Variants in DDX19B observed in about 807,000 individuals in gnomAD.
The protein encoded by DDX19B is DEAD-box helicase 19B.
DDX19B carries 27 observed loss-of-function variants against 58.1 expected under a neutral mutation model. The ratio of observed to expected loss-of-function variants is 0.46; its 90% CI spans 0.34 to 0.64. The LOEUF is 0.64. DDX19B is among the 30% of genes least tolerant of loss of function. The probability of loss-of-function intolerance (pLI) is 0.01; values close to 1 mark genes in which losing one functional copy is unlikely to be tolerated. For synonymous variants in DDX19B, 187 were observed against 214.4 expected (o/e 0.87, Z 1.12); for missense variants, 399 against 596.5 (o/e 0.67, Z 3.45).
chr16:70,311,273 G>C (rs1218842970), intron 1 of DDX19B, among the ~76,000 whole-genome samples: 4 of 150,934 alleles, frequency 2.7e-5, no homozygotes, highest in African/African-American at 9.7e-5. Context: ...TCAGCTGCTC[G>C]GGAGGCTGAG....
chr16:70,329,604 C>T (rs1963371040), intron 8 of DDX19B, 135 bp downstream of exon 8: 2 of 1,401,092 alleles, frequency 1.4e-6, no homozygotes, highest in South Asian at 1.3e-5. Context: ...TGACGGGCCA[C>T]TTCCGTGTCA....
chr16:70,333,638 G>A lies in DDX19B; in HGVS notation c.*56G>A. 2 of 1,613,702 alleles carry A rather than the reference G, an allele frequency of 1.2e-6. No individual in the cohort carries two copies. The highest frequency in any genetic ancestry group is 1.7e-6 in the Non-Finnish European group (2 of 1,179,562). On this transcript the variant is annotated 3_prime_UTR_variant, in exon 12 of 12. Coordinates refer to ENST00000288071, the MANE Select transcript of DDX19B (RefSeq NM_007242.7). ...GGCACTGCCCCTGCACAGGAGACAAGTGCGTTCAGGGCACAGGCCCCGACA... is the reference window on the plus strand; with the variant it reads ...GGCACTGCCCCTGCACAGGAGACAAATGCGTTCAGGGCACAGGCCCCGACA...
intron 9 of DDX19B, 71 bp downstream of exon 9, chr16:70,330,139 T>C: frequency 1.3e-6 from 2 of 1,561,840 alleles, no homozygotes; most frequent in South Asian, 2.3e-5. Context: ...TCAGGAGGAC[T>C]GGATGCCCCT....
intron 4 of DDX19B, among the ~76,000 whole-genome samples, chr16:70,316,952 A>G (rs1962455143): frequency 6.6e-6 from 1 of 152,082 alleles, no homozygotes; most frequent in South Asian, 2.1e-4. Context: ...CACGCCTGTA[A>G]TCCCAGGACT....
upstream of DDX19B, among the ~76,000 whole-genome samples, chr16:70,293,295 G>A (rs1421906417): frequency 6.6e-6 from 1 of 151,114 alleles, no homozygotes; most frequent in Non-Finnish European, 1.5e-5. Context: ...GCATGCATCT[G>A]TAGTCCCAGC....
At chr16:70,303,077 G>T (rs1174054291) in intron 1 of DDX19B, among the ~76,000 whole-genome samples, 1 of 152,088 alleles carries the variant, frequency 6.6e-6, no homozygotes, top group Non-Finnish European at 1.5e-5. Context: ...AAGTAGGATT[G>T]TTTTTGTTTT....
chr16:70,318,200 C>T (rs1402494736), intron 5 of DDX19B, among the ~76,000 whole-genome samples: 3 of 151,462 alleles, frequency 2.0e-5, no homozygotes, highest in Non-Finnish European at 4.4e-5. Flanking sequence ...TGATGAAACC[C>T]GACTCTACTA....
chr16:70,326,196 G>A (rs929571334), intron 7 of DDX19B, among the ~76,000 whole-genome samples: 3 of 152,130 alleles, frequency 2.0e-5, no homozygotes, highest in Non-Finnish European at 2.9e-5. Context: ...CATTCTGGCC[G>A]GGCGCGGTGG....
intron 4 of DDX19B, 49 bp from the exon 5 acceptor site, chr16:70,317,447 T>A: frequency 3.4e-6 from 5 of 1,461,060 alleles, no homozygotes; most frequent in Non-Finnish European, 4.7e-6. Context: ...ATTTTGCTGC[T>A]TTCCTCAACC....
At chr16:70,290,223 C>T (rs1465107408), upstream of DDX19B, among the ~76,000 whole-genome samples, 1 of 152,028 alleles carries the variant, frequency 6.6e-6, no homozygotes, top group African/African-American at 2.4e-5. Flanking sequence ...GTCAACATAA[C>T]TAGACCCTGT....
Position 70,307,675 on chromosome 16 carries a change from A to ATATGTG in DDX19B, c.58-4933_58-4932insATGTGT, listed in dbSNP as rs111558307. ...ATCACATCTGGCCATATGTATATAT[A>ATATGTG]TGTGTGTGTGTGTGTGTGTATGTAT... On this transcript the variant is annotated intron_variant, in intron 1 of 11. Transcript: ENST00000288071. Among the ~76,000 whole-genome samples the ATATGTG allele has an allele frequency of 6.2e-3, 926 of 149,430 alleles. 12 individuals carry two copies. The highest frequency in any genetic ancestry group is 0.022 in the African/African-American group (889 of 40,756).
intron 7 of DDX19B, among the ~76,000 whole-genome samples, chr16:70,326,982 C>T (rs1370867251): frequency 1.3e-5 from 2 of 151,714 alleles, no homozygotes; most frequent in African/African-American, 2.4e-5. Context: ...CTACAGGCGC[C>T]CACCACTACG....
At position 70,330,113 on chromosome 16, in the gene DDX19B, C is replaced by T. The variant is rs200333329; in HGVS notation, c.1023+45C>T. 2,683 of 1,606,812 alleles carry T rather than the reference C, an allele frequency of 1.7e-3. 4 individuals carry two copies. Among genetic ancestry groups the T allele is most frequent in the Non-Finnish European group, 2.0e-3 (2,381 of 1,174,732 alleles). On this transcript the variant is annotated intron_variant, in intron 9 of 11. Transcript: ENST00000288071. ...GCAGGCCTGGCCCTTCCCTCTCAGC[C>T]AGCTCCCCACAGGGCTCAGGAGGAC...
chr16:70,329,595 G>A, intron 8 of DDX19B, 126 bp downstream of exon 8: 3 of 1,433,028 alleles, frequency 2.1e-6, no homozygotes, highest in South Asian at 1.3e-5. Context: ...GCATTTGTTT[G>A]ACGGGCCACT....
chr16:70,305,909 C>T (rs1226426125), intron 1 of DDX19B, among the ~76,000 whole-genome samples: 2 of 151,722 alleles, frequency 1.3e-5, no homozygotes, highest in South Asian at 2.1e-4. Context: ...TACAGGCGCC[C>T]ACCACCATGC....
In DDX19B at chr16:70,333,633, G is replaced by A; in HGVS notation, c.*51G>A. 1 of 1,613,812 alleles carries A rather than the reference G, an allele frequency of 6.2e-7. No individual in the cohort carries two copies. The highest frequency in any genetic ancestry group is 8.5e-7 in the Non-Finnish European group (1 of 1,179,686). On this transcript the variant is annotated 3_prime_UTR_variant, in exon 12 of 12. Transcript: ENST00000288071. ...GCCCTGGCACTGCCCCTGCACAGGAGACAAGTGCGTTCAGGGCACAGGCCC... is the reference window on the plus strand; with the variant it reads ...GCCCTGGCACTGCCCCTGCACAGGAAACAAGTGCGTTCAGGGCACAGGCCC...
chr16:70,334,513 G>A lies in DDX19B; in HGVS notation c.*931G>A, dbSNP rs888132001. On this transcript the variant is annotated 3_prime_UTR_variant, in exon 12 of 12. Transcript: ENST00000288071. ...CATGGCCAGCCTCAAGGCAGTTCTAGATGTGATCAGCAGTAGTCACAAATT... is the reference window on the plus strand; with the variant it reads ...CATGGCCAGCCTCAAGGCAGTTCTAAATGTGATCAGCAGTAGTCACAAATT... 2.0e-5 allele frequency: 3 copies of A among 152,184 alleles called. No homozygotes were observed. Among genetic ancestry groups the A allele is most frequent in the Non-Finnish European group, 4.4e-5 (3 of 68,048 alleles). The allele number at this position is 152,184 out of a possible 1,614,324, so 9.4% of individuals were successfully genotyped here. A position where few individuals can be genotyped will look rare whatever the true frequency, so the allele number is the denominator to read the frequency against.
intron 1 of DDX19B, among the ~76,000 whole-genome samples, chr16:70,309,680 T>A (rs1961977495): frequency 6.6e-6 from 1 of 151,486 alleles, no homozygotes; most frequent in African/African-American, 2.4e-5. Flanking sequence ...TAGCTGTGCG[T>A]AGTTGCACAC....
chr16:70,329,351 G>T lies in DDX19B; in HGVS notation c.667G>T (p.Asp223Tyr), dbSNP rs781552549. The T allele has an allele frequency of 5.0e-6, 8 of 1,613,986 alleles. No individual in the cohort carries two copies. Among genetic ancestry groups the T allele is most frequent in the African/African-American group, 1.3e-5 (1 of 74,904 alleles). ...CATTGGCACCCCTGGGACTGTGCTG[G>T]ACTGGTGCTCCAAGCTCAAGTTCAT... ...IVIGTPGTVL[D>Y]WCSKLKFIDP... The change falls in exon 8 of 12, where the codon GAC becomes TAC. Residue 223 changes from aspartate (D) to tyrosine (Y), a missense_variant. Asp to Tyr is a radical substitution (Grantham distance 160). Around this residue, in one of 4 missense-constraint regions of DDX19B, gnomAD observed 198 missense variants for 345.9 expected, o/e 0.57. Transcript: ENST00000288071.
Sources: allele counts gnomAD v4.1 joint callset (sites outside exome capture counted in the v4.1 genomes callset), GRCh38; gene constraint gnomAD v4.1.1; regional missense constraint gnomAD v4.1.1; transcripts MANE v1.5; gene names NCBI Gene and HGNC (gene_info 2026-07-23, HGNC 2026-07-21).